PALM2AKAP2: variants seen among roughly 807,000 people sequenced by gnomAD.
The protein encoded by PALM2AKAP2 is PALM2 and AKAP2 fusion.
In PALM2AKAP2, 37 loss-of-function variants were observed where a neutral mutation model predicts 71.5. The ratio of observed to expected loss-of-function variants is 0.52; its 90% confidence interval spans 0.40 to 0.68. PALM2AKAP2 has a LOEUF of 0.68. Ranked by LOEUF, PALM2AKAP2 falls within the 30% of genes least tolerant of loss-of-function variation. The pLI is 0.00. For synonymous variants in PALM2AKAP2, 468 were observed against 478.8 expected (o/e 0.98, Z 0.29); for missense variants, 1,224 against 1,191.8 (o/e 1.03, Z -0.40).
At chr9:109,935,287 T>G (rs971281560) in intron 6 of PALM2AKAP2, among the ~76,000 whole-genome samples, 3 of 152,226 alleles carry the variant, frequency 2.0e-5, no homozygotes, top group Non-Finnish European at 4.4e-5. Context: ...TCTTTTATTA[T>G]TTTTTATCAT....
At chr9:109,969,104 A>ACG (rs1372686814) in intron 6 of PALM2AKAP2, among the ~76,000 whole-genome samples, 2 of 151,864 alleles carry the variant, frequency 1.3e-5, no homozygotes, top group Non-Finnish European at 2.9e-5. Context: ...ACACACACAC[A>ACG]CACACACACG....
At chr9:109,959,488 C>CA (rs987485152) in intron 6 of PALM2AKAP2, among the ~76,000 whole-genome samples, 8 of 151,606 alleles carry the variant, frequency 5.3e-5, no homozygotes, top group African/African-American at 4.8e-5. Context: ...ACTAAAAATA[C>CA]AAAAAAACTA....
intron 1 of PALM2AKAP2, among the ~76,000 whole-genome samples, chr9:110,126,405 T>A (rs1188038338): frequency 6.6e-6 from 1 of 152,206 alleles, no homozygotes; most frequent in Non-Finnish European, 1.5e-5. Flanking sequence ...GGCTTGCTTT[T>A]GTCTTTAGCA....
chr9:110,121,141 T>A (rs1355682643), intron 1 of PALM2AKAP2, among the ~76,000 whole-genome samples: 1 of 152,140 alleles, frequency 6.6e-6, no homozygotes, highest in Non-Finnish European at 1.5e-5. Context: ...CTCATCATTT[T>A]CCCCTTAATA....
At chr9:109,928,227 C>T (rs1371633365) in intron 5 of PALM2AKAP2, among the ~76,000 whole-genome samples, 2 of 152,130 alleles carry the variant, frequency 1.3e-5, no homozygotes, top group Non-Finnish European at 1.5e-5. Flanking sequence ...CTCAGCCCCC[C>T]GAATAGCTGG....
At chr9:109,653,480 A>G (rs1827253579) in intron 1 of PALM2AKAP2, among the ~76,000 whole-genome samples, 1 of 152,204 alleles carries the variant, frequency 6.6e-6, no homozygotes, top group Non-Finnish European at 1.5e-5. Context: ...GAAGTCCTCC[A>G]TCCTTTCAAT....
intron 7 of PALM2AKAP2, among the ~76,000 whole-genome samples, chr9:110,042,113 T>G (rs910007869): frequency 1.3e-5 from 2 of 152,148 alleles, no homozygotes; most frequent in East Asian, 1.9e-4. Flanking sequence ...GGATGTGCAT[T>G]CCGAAAGTTG....
intron 3 of PALM2AKAP2, among the ~76,000 whole-genome samples, chr9:110,160,626 C>A (rs1027367124): frequency 3.9e-5 from 6 of 152,138 alleles, no homozygotes; most frequent in African/African-American, 1.2e-4. Context: ...AGTATTTTTC[C>A]AGCCAATTGT....
chr9:109,658,052 A>G (rs1827333360), intron 1 of PALM2AKAP2, among the ~76,000 whole-genome samples: 1 of 151,856 alleles, frequency 6.6e-6, no homozygotes, highest in South Asian at 2.1e-4. Context: ...GCAGTAGGTA[A>G]ATGATGTGCA....
Position 110,136,116 on chromosome 9 carries a change from C to T in PALM2AKAP2, c.157-11C>T. The T allele has an allele frequency of 6.4e-7, 1 of 1,553,226 alleles. No individual in the cohort carries two copies. Among genetic ancestry groups the T allele is most frequent in the Non-Finnish European group, 8.7e-7 (1 of 1,154,198 alleles). On this transcript the variant is annotated splice_polypyrimidine_tract_variant and intron_variant, in intron 1 of 3. Coordinates refer to ENST00000374525, the Ensembl canonical transcript of PALM2AKAP2. Reference sequence around the variant, plus strand: ...TATTTAACCCTGACTTTTGTTTACTCTTTATTCCAGAAGCCTCCCCAGCTT... The same window carrying T: ...TATTTAACCCTGACTTTTGTTTACTTTTTATTCCAGAAGCCTCCCCAGCTT...
intron 1 of PALM2AKAP2, among the ~76,000 whole-genome samples, chr9:109,663,671 G>C (rs1264881549): frequency 6.6e-6 from 1 of 152,174 alleles, no homozygotes; most frequent in East Asian, 1.9e-4. Flanking sequence ...CTGTTGATTT[G>C]GGGTGGAGAG....
At chr9:110,105,816 A>G (rs1835106101) in intron 1 of PALM2AKAP2, among the ~76,000 whole-genome samples, 1 of 152,214 alleles carries the variant, frequency 6.6e-6, no homozygotes, top group African/African-American at 2.4e-5. Flanking sequence ...TAGACTTGCA[A>G]GCTCCCTCAG....
chr9:109,662,739 A>G (rs1207164545), intron 1 of PALM2AKAP2, among the ~76,000 whole-genome samples: 3 of 152,176 alleles, frequency 2.0e-5, no homozygotes, highest in African/African-American at 7.2e-5. Flanking sequence ...TTTCAGAAGG[A>G]ATGGTACCAG....
chr9:110,064,891 T>C (rs564261310), intron 1 of PALM2AKAP2, among the ~76,000 whole-genome samples: 4 of 152,318 alleles, frequency 2.6e-5, no homozygotes, highest in Non-Finnish European at 5.9e-5. Flanking sequence ...AGGACCAGCC[T>C]ATGAGACAGG....
intron 1 of PALM2AKAP2, among the ~76,000 whole-genome samples, chr9:109,731,547 T>C (rs1828556481): frequency 6.6e-6 from 1 of 152,186 alleles, no homozygotes; most frequent in Non-Finnish European, 1.5e-5. Flanking sequence ...ATGCTTTTCT[T>C]TGTATAGTCT....
chr9:109,851,213 A>ACAACAACAAC (rs1564179688), intron 1 of PALM2AKAP2, among the ~76,000 whole-genome samples: 471 of 143,080 alleles, frequency 3.3e-3, no homozygotes, highest in Middle Eastern at 6.9e-3. Context: ...CAACAACAAA[A>ACAACAACAAC]AAAAAAAAAC....
rs374242344 is a variant in PALM2AKAP2, at chr9:109,826,355, A to C, written c.46-41136A>C. 2.0e-5 allele frequency among the ~76,000 whole-genome samples: 3 copies of C among 152,260 alleles called. No homozygotes were observed. The East Asian group carries it at 5.8e-4, about 29-fold the overall frequency. ...GTTGTGCACATGTACCCTAAAACTT[A>C]AAGTATAATAAAAATAAATAAATAA... On this transcript the variant is annotated intron_variant, in intron 1 of 9. Transcript: ENST00000302798.
At chr9:109,880,933 A>G (rs1252420590) in intron 3 of PALM2AKAP2, among the ~76,000 whole-genome samples, 1 of 152,272 alleles carries the variant, frequency 6.6e-6, no homozygotes, top group Middle Eastern at 3.4e-3. Context: ...GGTTTGTTAC[A>G]TAGGTAAACT....
At chr9:110,091,585 C>G (rs935954055) in intron 1 of PALM2AKAP2, among the ~76,000 whole-genome samples, 4 of 150,550 alleles carry the variant, frequency 2.7e-5, no homozygotes, top group South Asian at 2.1e-4. Context: ...GCCTCAGCCT[C>G]CCGAGTAGCT....
Sources: allele counts gnomAD v4.1 joint callset (sites outside exome capture counted in the v4.1 genomes callset), GRCh38; gene constraint gnomAD v4.1.1; transcripts MANE v1.5; gene names NCBI Gene and HGNC (gene_info 2026-07-23, HGNC 2026-07-21).